The following PPP3CC variants were observed in gnomAD, a reference collection of about 807,000 sequenced individuals.
The protein encoded by PPP3CC is serine/threonine-protein phosphatase 2B catalytic subunit gamma isoform.
Under a neutral mutation model 60.3 loss-of-function variants are expected in PPP3CC, and 35 were observed. The ratio of observed to expected loss-of-function variants is 0.58; its 90% CI spans 0.44 to 0.77. The LOEUF is 0.77. Among genes scored for constraint, PPP3CC ranks in the 30% least tolerant of loss-of-function variants. The pLI, the probability that PPP3CC is intolerant of heterozygous loss-of-function variation, is 0.00. For missense variants in PPP3CC, 570 were observed against 628.9 expected (o/e 0.91, Z 1.00); for synonymous variants, 206 against 224.3 (o/e 0.92, Z 0.73).
At chr8:22,461,446 T>C (rs927949424) in intron 1 of PPP3CC, among the ~76,000 whole-genome samples, 2 of 152,340 alleles carry the variant, frequency 1.3e-5, no homozygotes. Flanking sequence ...GGTCGATTAA[T>C]TTATGATAGT....
Position 22,493,739 on chromosome 8 carries a change from C to G in PPP3CC, c.373-4262C>G, listed in dbSNP as rs141455933. ...GTATAACAGTGCCTTCTGCTAGAAT[C>G]CCTCCTGAAGGACCTGCCTGGGGAT... On this transcript the variant is annotated intron_variant, in intron 3 of 13. Coordinates refer to ENST00000240139, the MANE Select transcript of PPP3CC (RefSeq NM_005605.5). 2.6e-4 allele frequency among the ~76,000 whole-genome samples: 40 copies of G among 152,274 alleles called. No homozygotes were observed. In the East Asian group the frequency reaches 7.7e-3, roughly 29 times the overall value.
At chr8:22,459,422 C>G (rs1192166291) in intron 1 of PPP3CC, among the ~76,000 whole-genome samples, 1 of 151,398 alleles carries the variant, frequency 6.6e-6, no homozygotes, top group African/African-American at 2.4e-5. Flanking sequence ...TCATGGTTCC[C>G]ACTAATAACC....
At chr8:22,532,397 G>A in intron 11 of PPP3CC, 91 bp downstream of exon 11, 2 of 1,097,696 alleles carry the variant, frequency 1.8e-6, no homozygotes, top group Non-Finnish European at 2.7e-6. Context: ...TAATTGGAAT[G>A]TAGTATTGAA....
At chr8:22,521,602 G>A (rs1839406220) in intron 6 of PPP3CC, among the ~76,000 whole-genome samples, 1 of 152,188 alleles carries the variant, frequency 6.6e-6, no homozygotes, top group South Asian at 2.1e-4. Context: ...AGGAGGACCA[G>A]GGCTGGGGAC....
chr8:22,504,861 C>T (rs987193895), intron 4 of PPP3CC, among the ~76,000 whole-genome samples: 2 of 151,770 alleles, frequency 1.3e-5, no homozygotes, highest in African/African-American at 4.8e-5. Flanking sequence ...ACTACAGGCA[C>T]GAGCTCTCAT....
chr8:22,488,593 A>C (rs527361168), intron 3 of PPP3CC, among the ~76,000 whole-genome samples: 2 of 152,342 alleles, frequency 1.3e-5, no homozygotes, highest in East Asian at 3.9e-4. Flanking sequence ...GATTCTGGGG[A>C]TCTAACAGGG....
At chr8:22,464,190 A>G (rs1425612960) in intron 1 of PPP3CC, among the ~76,000 whole-genome samples, 2 of 152,180 alleles carry the variant, frequency 1.3e-5, no homozygotes, top group African/African-American at 4.8e-5. Context: ...CAAATTTAAT[A>G]AAGCAAAGAG....
At chr8:22,471,156 A>G (rs937394743) in intron 1 of PPP3CC, among the ~76,000 whole-genome samples, 1 of 152,150 alleles carries the variant, frequency 6.6e-6, no homozygotes, top group Non-Finnish European at 1.5e-5. Context: ...TTCTCTTTAC[A>G]TCAGTTTGGT....
At chr8:22,489,173 A>T (rs1271223116) in intron 3 of PPP3CC, among the ~76,000 whole-genome samples, 1 of 152,058 alleles carries the variant, frequency 6.6e-6, no homozygotes, top group Non-Finnish European at 1.5e-5. Flanking sequence ...TAATCTAGTA[A>T]TATAGGTAAG....
At chr8:22,518,214 G>A (rs190044499) in intron 6 of PPP3CC, among the ~76,000 whole-genome samples, 6 of 151,698 alleles carry the variant, frequency 4.0e-5, no homozygotes, top group South Asian at 2.1e-4. Context: ...AGGATGTACC[G>A]CCATGCCCAG....
chr8:22,442,058 G>C (rs2132415817), intron 1 of PPP3CC, among the ~76,000 whole-genome samples: 1 of 152,272 alleles, frequency 6.6e-6, no homozygotes, highest in African/African-American at 2.4e-5. Context: ...GGAGAATGAC[G>C]TTTTCTGATT....
At chr8:22,516,820 G>A (rs1435319928) in intron 6 of PPP3CC, among the ~76,000 whole-genome samples, 1 of 152,160 alleles carries the variant, frequency 6.6e-6, no homozygotes, top group African/African-American at 2.4e-5. Context: ...GGGTCCCTAA[G>A]CACAAAAAGG....
In PPP3CC at chr8:22,532,951, G is replaced by A; in HGVS notation, c.1254G>A (p.Lys418=). 3 of 1,603,784 alleles carry A rather than the reference G, an allele frequency of 1.9e-6. No homozygotes were observed. Among genetic ancestry groups the A allele is most frequent in the Non-Finnish European group, 2.6e-6 (3 of 1,174,688 alleles). Residue 418 remains lysine (K), a synonymous_variant, in exon 12 of 14, where the codon AAG becomes AAA. Transcript: ENST00000240139. The part of the protein sequence containing the change: ...RQESESVLTL[K]GLTPTGTLPL... ...AAAGTGAGAGTGTGCTGACTCTCAA[G>A]GGCCTGACTCCCACAGGCACACTCC...
intron 4 of PPP3CC, among the ~76,000 whole-genome samples, chr8:22,510,065 T>C (rs1324119945): frequency 6.6e-6 from 1 of 150,768 alleles, no homozygotes; most frequent in African/African-American, 2.4e-5. Context: ...GTGCCTGTAG[T>C]CCCAGCTACT....
At chr8:22,470,655 GA>G (rs1321071389) in intron 1 of PPP3CC, among the ~76,000 whole-genome samples, 2 of 152,166 alleles carry the variant, frequency 1.3e-5, no homozygotes, top group Non-Finnish European at 2.9e-5. Flanking sequence ...TAAGCAAGTA[GA>G]AAGGTCCTCA....
chr8:22,448,787 C>T (rs1361768937), intron 1 of PPP3CC, among the ~76,000 whole-genome samples: 2 of 151,726 alleles, frequency 1.3e-5, no homozygotes, highest in African/African-American at 4.9e-5. Context: ...GTTGAAATGT[C>T]GTGATTTTTG....
chr8:22,473,207 A>T (rs925720374), intron 1 of PPP3CC, among the ~76,000 whole-genome samples: 1 of 152,194 alleles, frequency 6.6e-6, no homozygotes, highest in East Asian at 1.9e-4. Context: ...AAGTGGAAAC[A>T]TTGGACATAT....
At chr8:22,464,899 A>T (rs1837472695) in intron 1 of PPP3CC, among the ~76,000 whole-genome samples, 1 of 151,626 alleles carries the variant, frequency 6.6e-6, no homozygotes, top group Non-Finnish European at 1.5e-5. Context: ...CTGCAAAATC[A>T]CTTCTGCTGC....
intron 1 of PPP3CC, among the ~76,000 whole-genome samples, chr8:22,455,970 A>C (rs1175635612): frequency 6.6e-6 from 1 of 152,238 alleles, no homozygotes; most frequent in African/African-American, 2.4e-5. Context: ...GAAAGGGCAC[A>C]TAATACTTTT....
Sources: gnomAD v4.1 joint callset for allele counts (sites outside exome capture counted in the v4.1 genomes callset) on GRCh38, gnomAD v4.1.1 for gene constraint, MANE v1.5 for transcripts, NCBI Gene and HGNC (gene_info 2026-07-23, HGNC 2026-07-21) for gene names.